Variants in TNFSF8 observed in about 807,000 individuals in gnomAD.
TNFSF8 encodes the protein TNF superfamily member 8, also known as tumor necrosis factor ligand superfamily member 8.
Under a neutral mutation model 22.0 loss-of-function variants are expected in TNFSF8, and 4 were observed. The observed-to-expected ratio is 0.18, with a 90% CI of 0.09 to 0.42. TNFSF8 has a LOEUF of 0.42. Ranked by LOEUF, TNFSF8 falls within the 10% of genes least tolerant of loss-of-function variation. The pLI, the probability that TNFSF8 is intolerant of heterozygous loss-of-function variation, is 1.00. For synonymous variants in TNFSF8, 106 were observed against 112.5 expected, an observed-to-expected ratio of 0.94 and a Z score of 0.37; for missense variants, 233 against 281.8, an observed-to-expected ratio of 0.83 and a Z score of 1.24.
chr9:114,901,124 A>G, downstream of TNFSF8: 1 of 985,288 alleles, frequency 1.0e-6, no homozygotes, highest in Non-Finnish European at 1.2e-6. Context: ...CCAAAGAGGC[A>G]TATGTTTTAG....
intron 1 of TNFSF8, 134 bp downstream of exon 1, chr9:114,929,975 T>TGGAG: frequency 3.0e-6 from 1 of 330,178 alleles, no homozygotes; most frequent in Non-Finnish European, 5.3e-6. Flanking sequence ...TATATATATA[T>TGGAG]ATAGAGAGAG....
At position 114,901,934 on chromosome 9, in the gene TNFSF8, T is replaced by C; in HGVS notation, c.*1997A>G. ...TGCTGATTTGTTCTTTCTTTTTTTC[T>C]TTTAAATCTTTTCTAGCTTTCCTTC... On this transcript the variant is annotated 3_prime_UTR_variant, in exon 4 of 4. Transcript: ENST00000223795. 1 of 983,066 alleles carries C rather than the reference T, an allele frequency of 1.0e-6. No homozygotes were observed. Among genetic ancestry groups the C allele is most frequent in the Non-Finnish European group, 1.2e-6 (1 of 827,778 alleles). The allele number at this position is 983,066 out of a possible 1,614,324, so 60.9% of individuals were successfully genotyped here.
intron 2 of TNFSF8, among the ~76,000 whole-genome samples, 188 bp from the exon 3 acceptor site, chr9:114,906,087 A>G (rs1437213918): frequency 6.6e-6 from 1 of 152,134 alleles, no homozygotes; most frequent in Admixed American, 6.5e-5. Context: ...TTTTAAATTT[A>G]TTTTTATTGA....
intron 1 of TNFSF8, among the ~76,000 whole-genome samples, chr9:114,923,522 C>CTTTCTTTCTTTCTT (rs758823996): frequency 0.038 from 3,363 of 89,384 alleles, 82 homozygotes; most frequent in Non-Finnish European, 0.044. Context: ...TTCTTTCTTT[C>CTTTCTTTCTTTCTT]TTTTTTTTTT....
intron 1 of TNFSF8, among the ~76,000 whole-genome samples, chr9:114,920,737 C>T (rs187917344): frequency 1.7e-4 from 26 of 152,258 alleles, no homozygotes; most frequent in African/African-American, 6.0e-4. Context: ...GGCGCAATCT[C>T]GGCTCACTGT....
At chr9:114,914,043 C>G (rs1194413881) in intron 2 of TNFSF8, among the ~76,000 whole-genome samples, 3 of 152,128 alleles carry the variant, frequency 2.0e-5, no homozygotes, top group Non-Finnish European at 2.9e-5. Context: ...ATCAAAGGAC[C>G]AGAATCATTC....
intron 2 of TNFSF8, among the ~76,000 whole-genome samples, chr9:114,906,351 C>T (rs758897522): frequency 5.9e-5 from 9 of 152,208 alleles, no homozygotes; most frequent in African/African-American, 1.9e-4. Context: ...AATGATAATA[C>T]TGATAGTAAA....
chr9:114,911,363 G>A (rs917265144), intron 2 of TNFSF8, among the ~76,000 whole-genome samples: 5 of 152,130 alleles, frequency 3.3e-5, no homozygotes, highest in African/African-American at 1.2e-4. Flanking sequence ...CAGGCTTCAG[G>A]GACAATATCC....
rs1827755763 is a variant in TNFSF8, at chr9:114,904,183, G to A, written c.453C>T (p.Cys151=). ...ACTTCAGATCGACAGAATTATTTGG[G>A]CATTGTACAAGAAACTGCAGTTGGC... The part of the protein sequence containing the change: ...IICQLQFLVQ[C]PNNSVDLKLE... The change falls in exon 4 of 4, where the codon TGC becomes TGT. Residue 151 remains cysteine, a synonymous_variant. Transcript: ENST00000223795. 5 of 1,614,098 alleles carry A rather than the reference G, an allele frequency of 3.1e-6. 1 individual carries two copies. The highest frequency in any genetic ancestry group is 4.5e-5 in the East Asian group (2 of 44,892).
At chr9:114,893,987 G>T (rs1398128764) in exon 5 of TNFSF8, 9 of 1,059,392 alleles carry the variant, frequency 8.5e-6, no homozygotes, top group South Asian at 1.4e-5. Context: ...GGCCCAGAGT[G>T]ACTGGTACCA....
exon 5 of TNFSF8, chr9:114,894,008 G>T: frequency 1.5e-6 from 2 of 1,304,146 alleles, no homozygotes; most frequent in Non-Finnish European, 2.1e-6. Context: ...TCAAGTTCAT[G>T]ACTTTCCACT....
At chr9:114,907,062 C>T (rs1161104527) in intron 2 of TNFSF8, among the ~76,000 whole-genome samples, 2 of 152,190 alleles carry the variant, frequency 1.3e-5, no homozygotes, top group African/African-American at 4.8e-5. Flanking sequence ...GGGCTCACAA[C>T]CTTTCCCATT....
intron 1 of TNFSF8, among the ~76,000 whole-genome samples, chr9:114,918,666 A>G (rs1827949579): frequency 6.6e-6 from 1 of 152,188 alleles, no homozygotes; most frequent in African/African-American, 2.4e-5. Context: ...CAGTGGCACT[A>G]TCTTGGCTCA....
At position 114,912,333 on chromosome 9, in the gene TNFSF8, A is replaced by G. The variant is rs181982973; in HGVS notation, c.238+5763T>C. On this transcript the variant is annotated intron_variant, in intron 2 of 3. Transcript: ENST00000223795. Reference sequence around the variant, plus strand: ...TGCTTGAAATGTAGAAACTTAAGCCAACACATGTTGTGTCTAGATAGTTTG... The same window carrying G: ...TGCTTGAAATGTAGAAACTTAAGCCGACACATGTTGTGTCTAGATAGTTTG... Among the ~76,000 whole-genome samples, 83 of 152,316 alleles carry G rather than the reference A, an allele frequency of 5.4e-4. No homozygotes were observed. In the East Asian group the frequency reaches 0.014, roughly 25 times the overall value.
intron 2 of TNFSF8, among the ~76,000 whole-genome samples, chr9:114,916,718 C>T (rs148728714): frequency 9.2e-5 from 14 of 152,298 alleles, no homozygotes; most frequent in African/African-American, 2.4e-4. Flanking sequence ...TGATAAATAA[C>T]GTTTTATGGA....
At chr9:114,923,519 TTTC>T (rs1210771546) in intron 1 of TNFSF8, among the ~76,000 whole-genome samples, 2,272 of 88,360 alleles carry the variant, frequency 0.026, 55 homozygotes, top group African/African-American at 0.11. Flanking sequence ...TCTTTCTTTC[TTTC>T]TTTTTTTTTT....
intron 2 of TNFSF8, among the ~76,000 whole-genome samples, chr9:114,911,795 G>A (rs1267193126): frequency 1.3e-5 from 2 of 151,596 alleles, no homozygotes; most frequent in African/African-American, 4.9e-5. Flanking sequence ...TTGTTGCAGT[G>A]TATCTGCAAC....
intron 2 of TNFSF8, among the ~76,000 whole-genome samples, chr9:114,916,292 T>C (rs779189138): frequency 6.6e-6 from 1 of 152,206 alleles, no homozygotes; most frequent in African/African-American, 2.4e-5. Context: ...TTTTTTGTAC[T>C]TCACTTTGGA....
intron 4 of TNFSF8, among the ~76,000 whole-genome samples, chr9:114,895,003 A>G (rs1827642458): frequency 2.0e-5 from 3 of 152,336 alleles, no homozygotes; most frequent in South Asian, 4.1e-4. Context: ...CATTGTGAGA[A>G]CGGAAGGCAT....
Sources: allele counts gnomAD v4.1 joint callset (sites outside exome capture counted in the v4.1 genomes callset), GRCh38; gene constraint gnomAD v4.1.1; transcripts MANE v1.5; gene names NCBI Gene and HGNC (gene_info 2026-07-23, HGNC 2026-07-21).